Variants in OTUD7A observed in about 807,000 individuals in gnomAD.
OTUD7A encodes OTU domain-containing protein 7A.
Under a neutral mutation model 65.7 loss-of-function variants are expected in OTUD7A, and 12 were observed. The observed-to-expected ratio is 0.18, with a 90% confidence interval of 0.12 to 0.30. The LOEUF (loss-of-function observed/expected upper bound fraction) is 0.30, where lower values mean the gene tolerates loss of function less well. OTUD7A is among the 10% of genes least tolerant of loss of function. The pLI is 1.00. For missense variants in OTUD7A, 1,148 were observed against 1,304.8 expected (o/e 0.88, Z 1.85); for synonymous variants, 641 against 586.3 (o/e 1.09, Z -1.35).
chr15:31,541,416 A>G (rs1211461836), intron 5 of OTUD7A, among the ~76,000 whole-genome samples: 2 of 152,180 alleles, frequency 1.3e-5, no homozygotes, highest in Non-Finnish European at 2.9e-5. Flanking sequence ...TCTCTGTAAT[A>G]CTTAGCAAAA....
At chr15:31,808,655 T>C (rs1896343020) in intron 1 of OTUD7A, among the ~76,000 whole-genome samples, 1 of 152,216 alleles carries the variant, frequency 6.6e-6, no homozygotes, top group African/African-American at 2.4e-5. Context: ...CTGCTTCATA[T>C]TCTTGACTGT....
At chr15:31,639,106 CCT>C (rs1471901300) in intron 3 of OTUD7A, among the ~76,000 whole-genome samples, 4 of 151,974 alleles carry the variant, frequency 2.6e-5, no homozygotes, top group Admixed American at 6.6e-5. Context: ...CGCACTCCAG[CCT>C]CTGTCTAAAA....
intron 1 of OTUD7A, among the ~76,000 whole-genome samples, chr15:31,814,463 T>C (rs574251814): frequency 6.6e-6 from 1 of 152,204 alleles, no homozygotes; most frequent in African/African-American, 2.4e-5. Context: ...AATTCAGGGA[T>C]ACTAAGACAT....
chr15:31,773,170 G>C (rs141739881), intron 1 of OTUD7A, among the ~76,000 whole-genome samples: 4 of 152,298 alleles, frequency 2.6e-5, no homozygotes, highest in African/African-American at 7.2e-5. Context: ...ACTGAAGATG[G>C]AGTTTTGTTT....
Position 31,786,131 on chromosome 15 carries a change from A to G in OTUD7A, c.-100+84376T>C, listed in dbSNP as rs185531388. Among the ~76,000 whole-genome samples, 1,006 of 152,208 alleles carry G rather than the reference A, an allele frequency of 6.6e-3. 3 individuals carry two copies. The highest frequency in any genetic ancestry group is 0.01 in the Admixed American group (158 of 15,288). On this transcript the variant is annotated intron_variant, in intron 1 of 12. Coordinates refer to ENST00000307050, the MANE Select transcript of OTUD7A (RefSeq NM_001382637.1). ...CGTGCGCCACCTGGGGACTCTGCAG[A>G]GTCCCCACCAGCAAGAAGGGCCTCA... is the stretch of plus-strand genomic sequence containing the variant.
chr15:31,510,566 G>T (rs1167320472), intron 8 of OTUD7A, among the ~76,000 whole-genome samples: 1 of 107,450 alleles, frequency 9.3e-6, no homozygotes, highest in Admixed American at 1.1e-4. Flanking sequence ...ACATACATAT[G>T]TATATCTATA....
intron 1 of OTUD7A, chr15:31,768,128 C>T (rs566054590): frequency 8.2e-5 from 131 of 1,592,934 alleles, no homozygotes; most frequent in Non-Finnish European, 1.1e-4. Flanking sequence ...CATTCCTGCT[C>T]GAAAAGATGT....
At chr15:31,803,426 T>G (rs1896186844) in intron 1 of OTUD7A, among the ~76,000 whole-genome samples, 1 of 152,220 alleles carries the variant, frequency 6.6e-6, no homozygotes, top group Admixed American at 6.5e-5. Context: ...AAGACACTGA[T>G]GGCTCTGATT....
intron 8 of OTUD7A, among the ~76,000 whole-genome samples, chr15:31,509,916 A>G (rs1262809203): frequency 2.5e-5 from 3 of 119,492 alleles, no homozygotes; most frequent in African/African-American, 6.1e-5. Context: ...ACTTTTTTCT[A>G]TTTTTTTTTC....
intron 1 of OTUD7A, among the ~76,000 whole-genome samples, chr15:31,666,176 T>A (rs1892314998): frequency 6.6e-6 from 1 of 152,186 alleles, no homozygotes; most frequent in Non-Finnish European, 1.5e-5. Context: ...CTTCATAGAA[T>A]GAATTAGGGA....
intron 7 of OTUD7A, 77 bp from the exon 8 acceptor site, chr15:31,526,538 G>A (rs574206653): frequency 8.1e-7 from 1 of 1,239,638 alleles, no homozygotes; most frequent in Non-Finnish European, 1.1e-6. Context: ...TCCCAATCTG[G>A]ACCAGCCTCA....
chr15:31,706,693 CT>C (rs1012759837), intron 1 of OTUD7A, among the ~76,000 whole-genome samples: 23 of 149,434 alleles, frequency 1.5e-4, no homozygotes, highest in Admixed American at 1.5e-3. Context: ...GAAAAGCCCC[CT>C]GGATGCGCCG....
At chr15:31,563,587 ATCC>A (rs1002492411) in intron 4 of OTUD7A, among the ~76,000 whole-genome samples, 1 of 152,110 alleles carries the variant, frequency 6.6e-6, no homozygotes, top group African/African-American at 2.4e-5. Context: ...CTTCCCTATC[ATCC>A]CCTAGCCCCA....
At chr15:31,819,516 G>C (rs942207037) in intron 1 of OTUD7A, among the ~76,000 whole-genome samples, 2 of 152,150 alleles carry the variant, frequency 1.3e-5, no homozygotes, top group African/African-American at 4.8e-5. Context: ...CTATATATTT[G>C]TAGAGCTAAA....
At chr15:31,683,949 C>T (rs1262207209) in intron 1 of OTUD7A, among the ~76,000 whole-genome samples, 1 of 152,154 alleles carries the variant, frequency 6.6e-6, no homozygotes, top group Non-Finnish European at 1.5e-5. Flanking sequence ...TCCACACTCC[C>T]CTGAGGAAAG....
rs577026488 is a variant in OTUD7A, at chr15:31,486,303, T to C, written c.1371+891A>G. 5.1e-4 allele frequency among the ~76,000 whole-genome samples: 77 copies of C among 152,292 alleles called. 1 individual carries two copies. The highest frequency in any genetic ancestry group is 3.3e-4 in the Admixed American group (5 of 15,304). On this transcript the variant is annotated intron_variant, in intron 12 of 12. Transcript: ENST00000307050. Reference sequence around the variant, plus strand: ...ACTGCCACCGACTGGCTGTCACTTATGCCATCAGTAAAATGGGGTATCAGT... The same window carrying C: ...ACTGCCACCGACTGGCTGTCACTTACGCCATCAGTAAAATGGGGTATCAGT...
intron 8 of OTUD7A, among the ~76,000 whole-genome samples, chr15:31,509,401 C>G (rs954916036): frequency 2.6e-5 from 4 of 152,180 alleles, no homozygotes; most frequent in East Asian, 1.9e-4. Context: ...GCCTCAGCCT[C>G]CCGAGTAGCT....
intron 5 of OTUD7A, among the ~76,000 whole-genome samples, chr15:31,539,645 T>C (rs187374368): frequency 1.4e-3 from 206 of 152,332 alleles, no homozygotes; most frequent in African/African-American, 4.6e-3. Context: ...GCTCTACTAG[T>C]TGACATTACT....
chr15:31,610,677 A>G (rs564814247), intron 3 of OTUD7A, among the ~76,000 whole-genome samples: 183 of 125,002 alleles, frequency 1.5e-3, no homozygotes, highest in African/African-American at 5.3e-3. Context: ...GCTGGAATGC[A>G]ATGGCGCAAC....
Sources: allele counts gnomAD v4.1 joint callset (sites outside exome capture counted in the v4.1 genomes callset), GRCh38; gene constraint gnomAD v4.1.1; transcripts MANE v1.5; gene names NCBI Gene and HGNC (gene_info 2026-07-23, HGNC 2026-07-21).